FANCD2OS: variants seen among roughly 807,000 people sequenced by gnomAD.
The protein encoded by FANCD2OS is FANCD2 opposite strand protein.
A neutral mutation model predicts 13.2 loss-of-function variants in FANCD2OS; 11 were observed. That is an observed-to-expected ratio of 0.83 (90% CI 0.52 to 1.38). The LOEUF (loss-of-function observed/expected upper bound fraction) is 1.38, where lower values mean the gene tolerates loss of function less well. Ranked by LOEUF, FANCD2OS falls within the 40% of genes most tolerant of loss-of-function variation. The probability of loss-of-function intolerance (pLI) is 0.00; values close to 1 mark genes in which losing one functional copy is unlikely to be tolerated. For synonymous variants in FANCD2OS, 69 were observed against 84.5 expected (o/e 0.82, Z 1.01); for missense variants, 217 against 213.9 (o/e 1.01, Z -0.09).
At chr3:10,096,571 G>A in intron 2 of FANCD2OS, 1 of 1,104,980 alleles carries the variant, frequency 9.0e-7, no homozygotes, top group Non-Finnish European at 1.4e-6. Context: ...TCGTCTCTCA[G>A]TAAGGCTACT....
At chr3:10,094,176 T>A in intron 2 of FANCD2OS, 1 of 786,938 alleles carries the variant, frequency 1.3e-6, no homozygotes, top group Non-Finnish European at 2.2e-6. Context: ...AATTTGTTTT[T>A]TATATATATA....
chr3:10,097,004 G>T (rs576343420), intron 2 of FANCD2OS, among the ~76,000 whole-genome samples: 2 of 152,086 alleles, frequency 1.3e-5, no homozygotes. Flanking sequence ...TGGGCGTCCG[G>T]GGGAGACATC....
chr3:10,087,676 C>T (rs1222995964), intron 2 of FANCD2OS, among the ~76,000 whole-genome samples: 2 of 151,718 alleles, frequency 1.3e-5, no homozygotes, highest in Non-Finnish European at 2.9e-5. Flanking sequence ...GAGACAGAGT[C>T]TCGTTCTGTC....
At chr3:10,089,233 C>T (rs1215393795) in intron 2 of FANCD2OS, among the ~76,000 whole-genome samples, 1 of 151,552 alleles carries the variant, frequency 6.6e-6, no homozygotes, top group African/African-American at 2.4e-5. Flanking sequence ...TGCAGTGAGC[C>T]GGGATCGCGC....
At chr3:10,102,231 C>T (rs1212326033), downstream of FANCD2OS, among the ~76,000 whole-genome samples, 1 of 151,272 alleles carries the variant, frequency 6.6e-6, no homozygotes, top group Non-Finnish European at 1.5e-5. Context: ...GCAACCTCCA[C>T]CTCCCAGGTT....
intron 2 of FANCD2OS, chr3:10,095,418 T>C (rs1694894926): frequency 4.2e-6 from 3 of 715,414 alleles, no homozygotes; most frequent in Admixed American, 2.0e-5. Flanking sequence ...AGCAAATCCT[T>C]AGTTGCTCCT....
downstream of FANCD2OS, chr3:10,102,079 A>C (rs907235897): frequency 1.2e-5 from 2 of 167,434 alleles, no homozygotes; most frequent in East Asian, 2.3e-4. Flanking sequence ...GTAAGAACCA[A>C]CTTCATCTGA....
chr3:10,087,552 A>G (rs573414319), intron 2 of FANCD2OS, among the ~76,000 whole-genome samples: 4 of 152,190 alleles, frequency 2.6e-5, no homozygotes, highest in Non-Finnish European at 4.4e-5. Flanking sequence ...TATCTGAGAC[A>G]TTTGACAAAA....
downstream of FANCD2OS, among the ~76,000 whole-genome samples, chr3:10,100,663 C>T (rs573303858): frequency 1.3e-5 from 2 of 152,314 alleles, no homozygotes; most frequent in East Asian, 3.9e-4. Context: ...CGTGAGCCAC[C>T]GTGCACTGCC....
At chr3:10,096,026 A>G (rs907013244) in intron 2 of FANCD2OS, among the ~76,000 whole-genome samples, 5 of 152,058 alleles carry the variant, frequency 3.3e-5, no homozygotes, top group Non-Finnish European at 5.9e-5. Context: ...GGGCTACTCT[A>G]TTGTTTAATA....
chr3:10,093,345 G>A (rs775067132), intron 2 of FANCD2OS: 1 of 1,592,608 alleles, frequency 6.3e-7, no homozygotes, highest in South Asian at 1.1e-5. Context: ...ACTGGGCCCT[G>A]TTTCATATTT....
At chr3:10,084,738 C>CAGGAAGATGCTTCTAGAGGAGA (rs1694076638) in intron 2 of FANCD2OS, among the ~76,000 whole-genome samples, 1 of 152,164 alleles carries the variant, frequency 6.6e-6, no homozygotes, top group Non-Finnish European at 1.5e-5. Context: ...CACTGGTGAT[C>CAGGAAGATGCTTCTAGAGGAGA]AGGAAGATGC....
chr3:10,098,660 CCCT>C (rs1695122016), downstream of FANCD2OS: 1 of 1,591,490 alleles, frequency 6.3e-7, no homozygotes, highest in Non-Finnish European at 8.6e-7. Context: ...CAACCTTCTC[CCCT>C]ATTACCCTAA....
At chr3:10,103,033 C>A, downstream of FANCD2OS, 1 of 432,962 alleles carries the variant, frequency 2.3e-6, no homozygotes, top group East Asian at 7.5e-5. Flanking sequence ...GAGGCCAAGG[C>A]ATTGCTTGAG....
chr3:10,093,306 C>CTGCATGTATGTTTGAAGGT, intron 2 of FANCD2OS: 1 of 1,613,318 alleles, frequency 6.2e-7, no homozygotes, highest in Non-Finnish European at 8.5e-7. Flanking sequence ...TCATCCTGTT[C>CTGCATGTATGTTTGAAGGT]TGCATGTATG....
chr3:10,088,845 CAGAG>C, intron 2 of FANCD2OS: 1 of 1,614,120 alleles, frequency 6.2e-7, no homozygotes, highest in Non-Finnish European at 8.5e-7. Context: ...CTGGAGCACA[CAGAG>C]AGCATTCTGA....
intron 2 of FANCD2OS, chr3:10,085,760 C>T (rs1237915710): frequency 1.8e-6 from 2 of 1,135,186 alleles, no homozygotes; most frequent in East Asian, 2.3e-5. Context: ...TAAATACTAT[C>T]CAAGTAGTTT....
At chr3:10,098,354 A>G (rs963952197), downstream of FANCD2OS, among the ~76,000 whole-genome samples, 2 of 152,192 alleles carry the variant, frequency 1.3e-5, no homozygotes, top group Non-Finnish European at 2.9e-5. Context: ...TAGCCTCCGC[A>G]TGGCCATTCG....
downstream of FANCD2OS, among the ~76,000 whole-genome samples, chr3:10,102,390 G>A (rs1364967819): frequency 6.6e-5 from 10 of 151,766 alleles, no homozygotes; most frequent in East Asian, 3.9e-4. Context: ...TGATCTACCC[G>A]CCTCGGCCTC....
Sources: gnomAD v4.1 joint callset for allele counts (sites outside exome capture counted in the v4.1 genomes callset) on GRCh38, gnomAD v4.1.1 for gene constraint, MANE v1.5 for transcripts, NCBI Gene and HGNC (gene_info 2026-07-23, HGNC 2026-07-21) for gene names.